Variants in SBNO1 observed in about 807,000 individuals in gnomAD.
SBNO1 encodes the protein strawberry notch homolog 1, also known as protein strawberry notch homolog 1.
A neutral mutation model predicts 173.6 loss-of-function variants in SBNO1; 23 were observed. The ratio of observed to expected loss-of-function variants is 0.13; its 90% CI spans 0.10 to 0.19. The LOEUF is 0.19. Among genes scored for constraint, SBNO1 ranks in the 10% least tolerant of loss-of-function variants. SBNO1 has a pLI of 1.00. For missense variants in SBNO1, 1,238 were observed against 1,671.2 expected, an observed-to-expected ratio of 0.74 and a Z score of 4.52; for synonymous variants, 632 against 571.5, an observed-to-expected ratio of 1.11 and a Z score of -1.51.
intron 28 of SBNO1, among the ~76,000 whole-genome samples, chr12:123,307,964 C>T (rs1278517763): frequency 4.6e-5 from 7 of 151,970 alleles, no homozygotes; most frequent in East Asian, 1.9e-4. Flanking sequence ...CCCAGCTACT[C>T]GGGAGGCTGT....
intron 7 of SBNO1, 137 bp from the exon 8 acceptor site, chr12:123,331,512 A>C (rs1309493197): frequency 2.5e-5 from 21 of 843,930 alleles, no homozygotes; most frequent in South Asian, 4.1e-5. Context: ...TTTTTACATA[A>C]ATTTCATAGA....
intron 29 of SBNO1, among the ~76,000 whole-genome samples, chr12:123,304,063 T>C (rs2048856592): frequency 6.6e-6 from 1 of 151,192 alleles, no homozygotes; most frequent in Non-Finnish European, 1.5e-5. Context: ...CCTGAGTAAC[T>C]GGGATTACAG....
chr12:123,310,628 G>A (rs990144304), intron 25 of SBNO1, among the ~76,000 whole-genome samples: 6 of 151,524 alleles, frequency 4.0e-5, no homozygotes, highest in African/African-American at 9.7e-5. Flanking sequence ...TCTGCCTCGC[G>A]GGTTCAAGTA....
chr12:123,352,090 A>AG (rs1461562602), intron 1 of SBNO1, among the ~76,000 whole-genome samples: 1 of 151,330 alleles, frequency 6.6e-6, no homozygotes, highest in Admixed American at 6.6e-5. Context: ...CCCATTTTAT[A>AG]GGGGGGAAAA....
chr12:123,309,792 C>T lies in SBNO1; in HGVS notation c.3360G>A (p.Ala1120=), dbSNP rs773765202. Residue 1120 remains alanine, a synonymous_variant, in exon 26 of 32, where the codon GCG becomes GCA. Transcript: ENST00000602398. ...GTGTGTCCGCAAAATACTGAAATAA[C>T]GCATTCTGCTGATGCACCTCCATGC... ...ILGMEVHQQN[A]LFQYFADTLT... is the part of the protein sequence containing the mutation. The T allele has an allele frequency of 6.2e-6, 10 of 1,612,184 alleles. No homozygotes were observed. The Admixed American group carries it at 6.7e-5, about 11-fold the overall frequency.
chr12:123,325,926 C>T (rs1007680340), intron 14 of SBNO1, among the ~76,000 whole-genome samples: 2 of 152,288 alleles, frequency 1.3e-5, no homozygotes, highest in South Asian at 4.1e-4. Flanking sequence ...GTTACCAGTG[C>T]TACCAGCTAT....
chr12:123,364,787 T>TGGCGGCGGCAGCAGCGGC lies in SBNO1; in HGVS notation c.-105_-88dup. 1 of 986,926 alleles carries TGGCGGCGGCAGCAGCGGC rather than the reference T, an allele frequency of 1.0e-6. No individual in the cohort carries two copies. Among genetic ancestry groups the TGGCGGCGGCAGCAGCGGC allele is most frequent in the Non-Finnish European group, 1.2e-6 (1 of 831,586 alleles). 61.1% of individuals were successfully genotyped at this position (986,926 alleles called of 1,614,324 possible). On this transcript the variant is annotated 5_prime_UTR_variant, in exon 1 of 32. Transcript: ENST00000602398. ...GAGGCGACTGGAGCGGAGGCGGCGG[T>TGGCGGCGGCAGCAGCGGC]GGCGGCGGCAGCAGCGGCGTCCTGC...
chr12:123,360,967 CG>C (rs1875084072), intron 1 of SBNO1, among the ~76,000 whole-genome samples: 1 of 151,856 alleles, frequency 6.6e-6, no homozygotes. Context: ...AAAAATTGGC[CG>C]GGCACAGTGG....
intron 30 of SBNO1, among the ~76,000 whole-genome samples, chr12:123,300,715 A>G (rs2048759048): frequency 6.6e-6 from 1 of 151,896 alleles, no homozygotes; most frequent in Admixed American, 6.6e-5. Flanking sequence ...TAATCCCAGC[A>G]CTTTGGGAGG....
At chr12:123,358,160 C>G (rs1479548830) in intron 1 of SBNO1, among the ~76,000 whole-genome samples, 1 of 152,178 alleles carries the variant, frequency 6.6e-6, no homozygotes, top group African/African-American at 2.4e-5. Context: ...TCATATACAC[C>G]AGATACACAT....
chr12:123,294,810 A>T lies in SBNO1; in HGVS notation c.*1098T>A, dbSNP rs1002005393. 1.3e-5 allele frequency: 2 copies of T among 152,836 alleles called. No homozygotes were observed. Among genetic ancestry groups the T allele is most frequent in the East Asian group, 3.8e-4 (2 of 5,250 alleles). The allele number at this position is 152,836 out of a possible 1,614,324, so 9.5% of individuals were successfully genotyped here. The stretch of plus-strand genomic sequence containing the variant: ...TTCACATTTGTACATTACCATTTTT[A>T]ACAGCTTGAGATAAACTCTACGTCT... On this transcript the variant is annotated 3_prime_UTR_variant, in exon 32 of 32. Coordinates refer to ENST00000602398, the MANE Select transcript of SBNO1 (RefSeq NM_001167856.3).
intron 15 of SBNO1, 55 bp from the exon 16 acceptor site, chr12:123,323,886 T>A: frequency 7.7e-7 from 1 of 1,301,370 alleles, no homozygotes; most frequent in Non-Finnish European, 1.1e-6. Context: ...TAATTATATG[T>A]AAAGTATTAT....
At chr12:123,303,321 C>T (rs1032088980) in intron 29 of SBNO1, among the ~76,000 whole-genome samples, 1 of 152,124 alleles carries the variant, frequency 6.6e-6, no homozygotes, top group East Asian at 1.9e-4. Context: ...GCACTGGAAG[C>T]TTCCTTTACT....
At chr12:123,317,099 A>G (rs1869379427) in intron 21 of SBNO1, 122 bp downstream of exon 21, 7 of 1,025,578 alleles carry the variant, frequency 6.8e-6, no homozygotes, top group Non-Finnish European at 1.0e-5. Flanking sequence ...TGGCCTCCCG[A>G]AATGTTGGAA....
At chr12:123,313,238 A>G (rs1868826489) in intron 24 of SBNO1, among the ~76,000 whole-genome samples, 1 of 148,576 alleles carries the variant, frequency 6.7e-6, no homozygotes, top group South Asian at 2.1e-4. Context: ...ATAAATAAAT[A>G]AATAAATAAA....
rs1310616491 is a variant in SBNO1, at chr12:123,345,509, C to A, written c.299G>T (p.Gly100Val). 6.8e-6 allele frequency: 11 copies of A among 1,613,970 alleles called. No individual in the cohort carries two copies. The highest frequency in any genetic ancestry group is 1.1e-5 in the South Asian group (1 of 91,080). The change falls in exon 4 of 32, where the codon GGA becomes GTA. Residue 100 changes from glycine to valine, a missense_variant. Physicochemically the swap from Gly to Val is moderately radical, Grantham distance 109 (BLOSUM62 -3). Coordinates refer to ENST00000602398, the MANE Select transcript of SBNO1 (RefSeq NM_001167856.3). Reference protein sequence around the residue: ...LNQINHLPPLGSTIVMTKTPP... With the variant: ...LNQINHLPPLVSTIVMTKTPP... ...TGTTTTAGTCATTACAATTGTAGAT[C>A]CCAAGGGTGGAAGATGATTTATTTG...
At chr12:123,361,239 G>A (rs7488355) in intron 1 of SBNO1, among the ~76,000 whole-genome samples, 30 of 143,542 alleles carry the variant, frequency 2.1e-4, no homozygotes, top group Non-Finnish European at 3.1e-4. Context: ...GTGAGACTCC[G>A]TCTCAAAAAA....
In SBNO1 at chr12:123,321,741, C is replaced by T; in HGVS notation, c.2126-9G>A. 1 of 1,612,716 alleles carries T rather than the reference C, an allele frequency of 6.2e-7. No homozygotes were observed. The highest frequency in any genetic ancestry group is 8.5e-7 in the Non-Finnish European group (1 of 1,178,994). ...TCGAGTTATTTCTTCACCTACCCTC[C>T]GCCACAAACAAGAGAGTCAGCCCAA... On this transcript the variant is annotated splice_polypyrimidine_tract_variant and intron_variant, in intron 16 of 31. Coordinates refer to ENST00000602398, the MANE Select transcript of SBNO1 (RefSeq NM_001167856.3).
intron 21 of SBNO1, 40 bp downstream of exon 21, chr12:123,317,181 T>C: frequency 6.2e-7 from 1 of 1,608,784 alleles, no homozygotes; most frequent in Non-Finnish European, 8.5e-7. Flanking sequence ...CAATGATTCC[T>C]AGCTATCCAT....
Sources: allele counts gnomAD v4.1 joint callset (sites outside exome capture counted in the v4.1 genomes callset), GRCh38; gene constraint gnomAD v4.1.1; transcripts MANE v1.5; gene names NCBI Gene and HGNC (gene_info 2026-07-23, HGNC 2026-07-21).